Variants in SLC17A5 observed in about 807,000 individuals in gnomAD.
SLC17A5 encodes solute carrier family 17 member 5, also known as sialin.
In SLC17A5, 47 loss-of-function variants were observed where a neutral mutation model predicts 59.4. The ratio of observed to expected loss-of-function variants is 0.79; its 90% CI spans 0.63 to 1.01. The LOEUF is 1.01. Among genes scored for constraint, SLC17A5 ranks in the 50% least tolerant of loss-of-function variants. The probability of loss-of-function intolerance (pLI) is 0.00; values close to 1 mark genes in which losing one functional copy is unlikely to be tolerated. For synonymous variants in SLC17A5, 202 were observed against 210.7 expected, an observed-to-expected ratio of 0.96 and a Z score of 0.36; for missense variants, 522 against 595.5, an observed-to-expected ratio of 0.88 and a Z score of 1.28.
intron 3 of SLC17A5, among the ~76,000 whole-genome samples, chr6:73,639,091 C>T (rs765514943): frequency 6.6e-6 from 1 of 152,124 alleles, no homozygotes; most frequent in Non-Finnish European, 1.5e-5. Context: ...AGGATGAATT[C>T]AATTAGCATG....
At chr6:73,620,023 C>T (rs1006561466) in intron 7 of SLC17A5, among the ~76,000 whole-genome samples, 7 of 150,436 alleles carry the variant, frequency 4.7e-5, no homozygotes, top group Admixed American at 1.3e-4. Flanking sequence ...TCCTGGGTTC[C>T]AGTGATTCTC....
At chr6:73,628,229 C>T (rs116507525) in intron 6 of SLC17A5, among the ~76,000 whole-genome samples, 231 of 152,196 alleles carry the variant, frequency 1.5e-3, no homozygotes, top group African/African-American at 5.3e-3. Flanking sequence ...CTGAAAGTTC[C>T]TATTAGAGGG....
intron 1 of SLC17A5, among the ~76,000 whole-genome samples, chr6:73,649,013 T>C (rs1179090075): frequency 6.6e-6 from 1 of 151,870 alleles, no homozygotes; most frequent in African/African-American, 2.4e-5. Context: ...TTTTTTTTTT[T>C]TGGAGATGGA....
intron 7 of SLC17A5, chr6:73,618,563 T>C (rs549103990): frequency 8.0e-4 from 419 of 523,026 alleles, no homozygotes; most frequent in Middle Eastern, 2.9e-3. Context: ...GCAAGGCTTA[T>C]GGAAGGATGT....
intron 10 of SLC17A5, among the ~76,000 whole-genome samples, chr6:73,598,715 G>A (rs1032842122): frequency 6.6e-6 from 1 of 151,848 alleles, no homozygotes; most frequent in South Asian, 2.1e-4. Context: ...TTATTTGGCC[G>A]GGTGCAGTGG....
At chr6:73,650,300 G>C (rs569923587) in intron 1 of SLC17A5, among the ~76,000 whole-genome samples, 1 of 151,616 alleles carries the variant, frequency 6.6e-6, no homozygotes, top group African/African-American at 2.4e-5. Flanking sequence ...ACGTGGTCAG[G>C]AGATCGAGAC....
chr6:73,640,851 A>G (rs1769241472), intron 3 of SLC17A5, among the ~76,000 whole-genome samples: 1 of 152,212 alleles, frequency 6.6e-6, no homozygotes, highest in African/African-American at 2.4e-5. Context: ...AAAATCAATA[A>G]TACTTCTAAA....
At chr6:73,628,629 C>T (rs565696778) in intron 6 of SLC17A5, among the ~76,000 whole-genome samples, 42 of 139,916 alleles carry the variant, frequency 3.0e-4, no homozygotes, top group Non-Finnish European at 4.7e-4. Context: ...TAAAATTGCT[C>T]AGATCATTTG....
At chr6:73,623,666 ATTTATT>A (rs1768264189) in intron 6 of SLC17A5, among the ~76,000 whole-genome samples, 4 of 18,318 alleles carry the variant, frequency 2.2e-4, no homozygotes, top group Admixed American at 5.2e-4. Context: ...TTTTATTTTT[ATTTATT>A]TATTTATTTA....
intron 4 of SLC17A5, 33 bp from the exon 5 acceptor site, chr6:73,636,740 T>C: frequency 6.7e-7 from 1 of 1,487,964 alleles, no homozygotes; most frequent in Non-Finnish European, 9.4e-7. Flanking sequence ...TTTATAAACT[T>C]TGGAGAGAGA....
intron 6 of SLC17A5, among the ~76,000 whole-genome samples, chr6:73,627,692 G>C (rs1176504001): frequency 6.6e-6 from 1 of 150,810 alleles, no homozygotes; most frequent in Non-Finnish European, 1.5e-5. Flanking sequence ...GCAGTGGCAC[G>C]ATCTCAACTC....
chr6:73,595,947 TAC>T (rs1766776948), intron 10 of SLC17A5, among the ~76,000 whole-genome samples: 1 of 132,386 alleles, frequency 7.6e-6, no homozygotes, highest in Admixed American at 7.9e-5. Context: ...TATATATATA[TAC>T]GTATATATAT....
chr6:73,642,550 C>T (rs1169556708), intron 2 of SLC17A5, among the ~76,000 whole-genome samples: 1 of 152,136 alleles, frequency 6.6e-6, no homozygotes, highest in Non-Finnish European at 1.5e-5. Flanking sequence ...TCAGACGAAG[C>T]ACTTAAACAA....
At chr6:73,651,330 G>A (rs544753110) in intron 1 of SLC17A5, among the ~76,000 whole-genome samples, 33 of 151,088 alleles carry the variant, frequency 2.2e-4, no homozygotes, top group African/African-American at 6.3e-4. Flanking sequence ...GTGTGGTGGC[G>A]TAGGCCTGTA....
chr6:73,643,146 T>C (rs1769366243), intron 2 of SLC17A5, among the ~76,000 whole-genome samples: 1 of 151,762 alleles, frequency 6.6e-6, no homozygotes, highest in Middle Eastern at 3.2e-3. Context: ...AATTTATTTA[T>C]TTATTTATTT....
chr6:73,635,986 G>T (rs962029529), intron 5 of SLC17A5, among the ~76,000 whole-genome samples: 30 of 151,844 alleles, frequency 2.0e-4, no homozygotes, highest in Non-Finnish European at 5.9e-5. Context: ...TGATCCACCC[G>T]CCTCGGCCTC....
At chr6:73,631,135 C>T (rs1195134657) in intron 6 of SLC17A5, among the ~76,000 whole-genome samples, 1 of 151,352 alleles carries the variant, frequency 6.6e-6, no homozygotes, top group Non-Finnish European at 1.5e-5. Flanking sequence ...CTGGGGTTGT[C>T]CTGTTGAACC....
intron 6 of SLC17A5, among the ~76,000 whole-genome samples, chr6:73,634,184 T>C (rs936712770): frequency 6.6e-6 from 1 of 152,158 alleles, no homozygotes; most frequent in African/African-American, 2.4e-5. Flanking sequence ...AGATATAAAC[T>C]TTTTTCTAAA....
chr6:73,601,239 C>T (rs1291033757), intron 9 of SLC17A5, among the ~76,000 whole-genome samples: 1 of 149,632 alleles, frequency 6.7e-6, no homozygotes, highest in East Asian at 2.0e-4. Flanking sequence ...GCCCCGACCC[C>T]GTCTGGAAGG....
Sources: allele counts gnomAD v4.1 joint callset (sites outside exome capture counted in the v4.1 genomes callset), GRCh38; gene constraint gnomAD v4.1.1; transcripts MANE v1.5; gene names NCBI Gene and HGNC (gene_info 2026-07-23, HGNC 2026-07-21).